The following UGT1A8 variants were observed in gnomAD, a reference collection of about 807,000 sequenced individuals.
UGT1A8 encodes UDP-glucuronosyltransferase 1A8.
A neutral mutation model predicts 45.3 loss-of-function variants in UGT1A8; 39 were observed. That is an observed-to-expected ratio of 0.86 (90% CI 0.67 to 1.12). UGT1A8 has a LOEUF of 1.12. Among genes scored for constraint, UGT1A8 ranks in the 50% most tolerant of loss-of-function variants. UGT1A8 has a pLI of 0.00. For synonymous variants in UGT1A8, 275 were observed against 249.2 expected (o/e 1.10, Z -0.97); for missense variants, 719 against 664.9 (o/e 1.08, Z -0.90).
chr2:233,744,908 A>T (rs1314296999), intron 1 of UGT1A8, among the ~76,000 whole-genome samples: 1 of 151,834 alleles, frequency 6.6e-6, no homozygotes, highest in African/African-American at 2.4e-5. Flanking sequence ...CAAAATCTAG[A>T]TGCTCAAGCT....
intron 1 of UGT1A8, among the ~76,000 whole-genome samples, chr2:233,665,344 T>C (rs982176318): frequency 2.0e-5 from 3 of 152,272 alleles, no homozygotes; most frequent in Non-Finnish European, 2.9e-5. Flanking sequence ...TTTAATACTT[T>C]CTTTACATTA....
chr2:233,649,086 T>G lies in UGT1A8; in HGVS notation c.855+30524T>G, dbSNP rs577707805. 1.8e-5 allele frequency: 16 copies of G among 884,588 alleles called. No homozygotes were observed. The South Asian group carries it at 4.5e-4, about 25-fold the overall frequency. The allele number at this position is 884,588 out of a possible 1,614,324, so 54.8% of individuals were successfully genotyped here. A position where few individuals can be genotyped will look rare whatever the true frequency, so the allele number is the denominator to read the frequency against. ...TCTGGATTTGAATATTTAAAAAGAT[T>G]CCTTACGGAACTGGGATTTGACATT... On this transcript the variant is annotated intron_variant, in intron 1 of 4. Transcript: ENST00000373450.
intron 1 of UGT1A8, chr2:233,743,739 T>C (rs377618743): frequency 7.3e-7 from 1 of 1,367,366 alleles, no homozygotes; most frequent in African/African-American, 1.5e-5. Flanking sequence ...TCGCGTTTCT[T>C]GGCGTCCGAC....
At chr2:233,726,988 C>G (rs926323067) in intron 1 of UGT1A8, among the ~76,000 whole-genome samples, 1 of 152,120 alleles carries the variant, frequency 6.6e-6, no homozygotes, top group African/African-American at 2.4e-5. Context: ...TGATGAGGTT[C>G]TTTCTAGCAA....
At chr2:233,675,103 T>C (rs113999124) in intron 1 of UGT1A8, among the ~76,000 whole-genome samples, 28 of 152,210 alleles carry the variant, frequency 1.8e-4, no homozygotes, top group African/African-American at 6.5e-4. Context: ...GGGGATTTTC[T>C]TGAAGGTCTC....
At chr2:233,747,889 C>G (rs1274333143) in intron 1 of UGT1A8, 6 of 1,613,432 alleles carry the variant, frequency 3.7e-6, no homozygotes, top group Non-Finnish European at 4.2e-6. Context: ...CTTTGCCATG[C>G]TCTTTCTGCT....
intron 1 of UGT1A8, among the ~76,000 whole-genome samples, chr2:233,632,869 T>A (rs185654258): frequency 1.5e-3 from 226 of 152,292 alleles, no homozygotes; most frequent in South Asian, 0.013. Flanking sequence ...CAATACTATG[T>A]TGAATAGGAG....
chr2:233,745,923 C>T (rs922725968), intron 1 of UGT1A8, among the ~76,000 whole-genome samples: 1 of 151,246 alleles, frequency 6.6e-6, no homozygotes, highest in Non-Finnish European at 1.5e-5. Flanking sequence ...GGCAGTGATT[C>T]AGAAGGGACA....
rs1254411333 is a variant in UGT1A8 at position 233,772,451 on chromosome 2, C to T, written c.1485C>T (p.Val495=). ...SLDVIGFLLA[V]VLTVAFITFK... The stretch of plus-strand genomic sequence containing the variant: ...ACGTGATTGGTTTCCTCTTGGCCGT[C>T]GTGCTGACAGTGGCCTTCATCACCT... The change falls in exon 5 of 5, where the codon GTC becomes GTT. Residue 495 remains valine (V), a synonymous_variant. Transcript: ENST00000373450. 9 of 1,614,028 alleles carry T rather than the reference C, an allele frequency of 5.6e-6. No homozygotes were observed. The highest frequency in any genetic ancestry group is 1.1e-5 in the South Asian group (1 of 91,086).
chr2:233,647,894 G>A (rs1339689838), intron 1 of UGT1A8: 17 of 1,541,388 alleles, frequency 1.1e-5, no homozygotes, highest in Non-Finnish European at 1.5e-5. Flanking sequence ...TTTCTACACT[G>A]AAGTTAGCCT....
rs764097812 is a variant in UGT1A8 at position 233,719,154 on chromosome 2, A to G, written c.856-47880A>G. 40 of 1,614,150 alleles carry G rather than the reference A, an allele frequency of 2.5e-5. No homozygotes were observed. Among genetic ancestry groups the G allele is most frequent in the Non-Finnish European group, 3.1e-5 (37 of 1,180,060 alleles). On this transcript the variant is annotated intron_variant, in intron 1 of 4. Transcript: ENST00000373450. ...AGAACATCTTCTGAAGAGATATTCT[A>G]GAAGTATGGCAATTATGAACAATGT...
chr2:233,745,820 G>A (rs894778963), intron 1 of UGT1A8, among the ~76,000 whole-genome samples: 23 of 151,370 alleles, frequency 1.5e-4, no homozygotes, highest in African/African-American at 5.1e-4. Context: ...TGAGAGCAAG[G>A]CAGAGGACTC....
At chr2:233,747,232 G>A in intron 1 of UGT1A8, 1 of 1,605,196 alleles carries the variant, frequency 6.2e-7, no homozygotes, top group Non-Finnish European at 8.5e-7. Context: ...AGGACCCCAG[G>A]TTCCCCTGCT....
At chr2:233,720,705 T>C (rs1394556391) in intron 1 of UGT1A8, among the ~76,000 whole-genome samples, 4 of 134,894 alleles carry the variant, frequency 3.0e-5, no homozygotes, top group Admixed American at 7.2e-5. Context: ...GGAGCCATCC[T>C]TTTTTTTTTT....
At chr2:233,647,791 G>A in intron 1 of UGT1A8, 1 of 669,432 alleles carries the variant, frequency 1.5e-6, no homozygotes, top group South Asian at 2.4e-5. Flanking sequence ...AATCAGTCTG[G>A]GTAGAGATTT....
In UGT1A8 at chr2:233,631,702, G is replaced by A. The variant is rs577441347; in HGVS notation, c.855+13140G>A. On this transcript the variant is annotated intron_variant, in intron 1 of 4. Transcript: ENST00000373450. ...ATGGGGTTTTTTTTTCTTGTAAATT[G>A]GTTTAAGTTCCTTGTAGATTCAGGA... Among the ~76,000 whole-genome samples, 119 of 151,508 alleles carry A rather than the reference G, an allele frequency of 7.9e-4. 1 individual carries two copies. Among genetic ancestry groups the A allele is most frequent in the Middle Eastern group, 3.4e-3 (1 of 294 alleles).
chr2:233,747,198 C>T (rs375624902), intron 1 of UGT1A8: 21 of 1,604,164 alleles, frequency 1.3e-5, no homozygotes, highest in Non-Finnish European at 1.8e-5. Context: ...GTCAGCTGTC[C>T]GTGTCTTCTG....
chr2:233,672,340 T>A (rs374130776), intron 1 of UGT1A8: 1 of 1,614,050 alleles, frequency 6.2e-7, no homozygotes, highest in African/African-American at 1.3e-5. Context: ...ATTAGTAGAA[T>A]ACTTAAAGGA....
intron 1 of UGT1A8, chr2:233,649,119 G>C: frequency 1.4e-6 from 1 of 726,056 alleles, no homozygotes; most frequent in Non-Finnish European, 1.9e-6. Context: ...ATTTGTGTTT[G>C]TTGCATCTAA....
Sources: allele counts gnomAD v4.1 joint callset (sites outside exome capture counted in the v4.1 genomes callset), GRCh38; gene constraint gnomAD v4.1.1; transcripts MANE v1.5; gene names NCBI Gene and HGNC (gene_info 2026-07-23, HGNC 2026-07-21).